RARB: variants seen among roughly 807,000 people sequenced by gnomAD.
RARB encodes the protein HBV-activated protein.
Under a neutral mutation model 51.9 loss-of-function variants are expected in RARB, and 17 were observed. The ratio of observed to expected loss-of-function variants is 0.33; its 90% CI spans 0.22 to 0.49. The LOEUF (loss-of-function observed/expected upper bound fraction) is 0.49, where lower values mean the gene tolerates loss of function less well. RARB is among the 20% of genes least tolerant of loss of function. The pLI, the probability that RARB is intolerant of heterozygous loss-of-function variation, is 0.99. For missense variants in RARB, 369 were observed against 550.8 expected (o/e 0.67, Z 3.30); for synonymous variants, 215 against 195.4 (o/e 1.10, Z -0.84).
intron 3 of RARB, among the ~76,000 whole-genome samples, chr3:25,078,430 T>C (rs1698919219): frequency 6.6e-6 from 1 of 152,186 alleles, no homozygotes. Context: ...TGTGGTTCTA[T>C]TTTTTAATTT....
chr3:24,887,008 A>G (rs1703280303), intron 2 of RARB, among the ~76,000 whole-genome samples: 1 of 152,242 alleles, frequency 6.6e-6, no homozygotes, highest in Non-Finnish European at 1.5e-5. Context: ...TTTCTCAGAT[A>G]AGAACCATAG....
intron 3 of RARB, among the ~76,000 whole-genome samples, chr3:25,532,787 G>T (rs1698980280): frequency 6.6e-6 from 1 of 152,188 alleles, no homozygotes; most frequent in Non-Finnish European, 1.5e-5. Flanking sequence ...TCTTTGTTGA[G>T]AGTGGCTCAG....
chr3:24,891,843 G>A (rs778135193), intron 2 of RARB, among the ~76,000 whole-genome samples: 3 of 151,410 alleles, frequency 2.0e-5, no homozygotes, highest in South Asian at 2.1e-4. Flanking sequence ...GACCTGGGGC[G>A]GCCATCTTCA....
chr3:25,423,515 C>A (rs977665463), upstream of RARB, among the ~76,000 whole-genome samples: 2 of 152,120 alleles, frequency 1.3e-5, no homozygotes, highest in Non-Finnish European at 1.5e-5. Flanking sequence ...ACAGCACCCC[C>A]CCACACAATC....
chr3:25,544,539 G>C (rs1699530571), intron 3 of RARB, among the ~76,000 whole-genome samples: 1 of 152,176 alleles, frequency 6.6e-6, no homozygotes, highest in Non-Finnish European at 1.5e-5. Flanking sequence ...TGTGTTGCTT[G>C]TCAGACACTG....
At chr3:25,103,118 C>T (rs1190969850) in intron 3 of RARB, among the ~76,000 whole-genome samples, 1 of 152,092 alleles carries the variant, frequency 6.6e-6, no homozygotes, top group African/African-American at 2.4e-5. Flanking sequence ...TGGATCCATG[C>T]AGAAGTGGCT....
At chr3:25,244,492 A>G (rs1177166143) in intron 5 of RARB, among the ~76,000 whole-genome samples, 7 of 152,114 alleles carry the variant, frequency 4.6e-5, no homozygotes, top group Admixed American at 4.6e-4. Flanking sequence ...GCTGTGTCTA[A>G]GAGATTCTTG....
At chr3:24,927,547 C>T (rs1441654270) in intron 2 of RARB, among the ~76,000 whole-genome samples, 1 of 151,910 alleles carries the variant, frequency 6.6e-6, no homozygotes, top group Non-Finnish European at 1.5e-5. Flanking sequence ...TGGGTATCTT[C>T]AGTAATTCAG....
At chr3:25,304,309 C>A (rs989274325) in intron 5 of RARB, among the ~76,000 whole-genome samples, 2 of 152,306 alleles carry the variant, frequency 1.3e-5, no homozygotes, top group Non-Finnish European at 2.9e-5. Flanking sequence ...TGCTCCATTT[C>A]CACATCTTTG....
chr3:25,437,832 G>A (rs529818897), intron 1 of RARB, among the ~76,000 whole-genome samples: 1 of 152,342 alleles, frequency 6.6e-6, no homozygotes, highest in Admixed American at 6.5e-5. Context: ...AGACTTTCAT[G>A]TGGATGTTTC....
intron 5 of RARB, among the ~76,000 whole-genome samples, chr3:25,252,684 G>C (rs1459870003): frequency 6.6e-6 from 1 of 152,052 alleles, no homozygotes; most frequent in Non-Finnish European, 1.5e-5. Context: ...ATTGGCTTTT[G>C]TATATTGATC....
chr3:25,406,558 G>A (rs948666854), intron 5 of RARB, among the ~76,000 whole-genome samples: 3 of 152,270 alleles, frequency 2.0e-5, no homozygotes, highest in African/African-American at 7.2e-5. Context: ...TTCTTATAAG[G>A]ATATTGGATA....
At chr3:24,953,288 T>C (rs1695939129) in intron 2 of RARB, among the ~76,000 whole-genome samples, 1 of 151,764 alleles carries the variant, frequency 6.6e-6, no homozygotes, top group Admixed American at 6.6e-5. Context: ...GAGGAAGAAA[T>C]GCATATTCAA....
intron 5 of RARB, among the ~76,000 whole-genome samples, chr3:25,421,403 CTTTTTT>C (rs766378555): frequency 6.4e-4 from 46 of 72,358 alleles, no homozygotes; most frequent in African/African-American, 2.8e-3. Flanking sequence ...TTCTTCTTTT[CTTTTTT>C]TTTTTTTTTT....
At chr3:25,165,642 G>A (rs1700549707) in intron 4 of RARB, among the ~76,000 whole-genome samples, 2 of 152,126 alleles carry the variant, frequency 1.3e-5, no homozygotes, top group South Asian at 4.1e-4. Flanking sequence ...TCAAAAACAA[G>A]CAATGGTCCA....
intron 3 of RARB, among the ~76,000 whole-genome samples, chr3:25,082,024 C>G (rs1699015966): frequency 1.3e-5 from 2 of 152,088 alleles, no homozygotes; most frequent in South Asian, 4.1e-4. Context: ...TGATTGCTAT[C>G]TCTGCTACTA....
chr3:25,501,461 A>T (rs1441677343), intron 3 of RARB, 138 bp downstream of exon 3: 2 of 1,059,706 alleles, frequency 1.9e-6, no homozygotes, highest in Non-Finnish European at 2.6e-6. Context: ...TGACATGAAA[A>T]TGGGGATTGA....
At chr3:25,388,733 C>T (rs1166766382) in intron 5 of RARB, among the ~76,000 whole-genome samples, 1 of 152,140 alleles carries the variant, frequency 6.6e-6, no homozygotes. Flanking sequence ...GGGAAGCCTG[C>T]TGACAAAAGT....
intron 3 of RARB, among the ~76,000 whole-genome samples, chr3:25,071,608 T>C (rs1333132525): frequency 1.3e-5 from 2 of 152,218 alleles, no homozygotes; most frequent in East Asian, 3.8e-4. Context: ...TTATATATTC[T>C]TTTGTCACAG....
Sources: gnomAD v4.1 joint callset for allele counts (sites outside exome capture counted in the v4.1 genomes callset) on GRCh38, gnomAD v4.1.1 for gene constraint, MANE v1.5 for transcripts, NCBI Gene and HGNC (gene_info 2026-07-23, HGNC 2026-07-21) for gene names.